RFX1: variants seen among roughly 807,000 people sequenced by gnomAD.
RFX1 encodes the protein regulatory factor X1.
Under a neutral mutation model 119.6 loss-of-function variants are expected in RFX1, and 42 were observed. The ratio of observed to expected loss-of-function variants is 0.35; its 90% CI spans 0.27 to 0.45. The LOEUF (loss-of-function observed/expected upper bound fraction) is 0.45, where lower values mean the gene tolerates loss of function less well. Ranked by LOEUF, RFX1 falls within the 20% of genes least tolerant of loss-of-function variation. The pLI is 1.00. For missense variants in RFX1, 1,118 were observed against 1,368.1 expected, an observed-to-expected ratio of 0.82 and a Z score of 2.88; for synonymous variants, 628 against 618.5, an observed-to-expected ratio of 1.02 and a Z score of -0.23.
In RFX1 at chr19:13,973,144, G is replaced by A. The variant is rs746007068; in HGVS notation, c.930-17C>T. 5 of 1,369,524 alleles carry A rather than the reference G, an allele frequency of 3.7e-6. No individual in the cohort carries two copies. The Admixed American group carries it at 7.6e-5, about 21-fold the overall frequency. 84.8% of individuals were successfully genotyped at this position (1,369,524 alleles called of 1,614,324 possible). On this transcript the variant is annotated splice_polypyrimidine_tract_variant and intron_variant, in intron 8 of 20. Coordinates refer to ENST00000254325, the MANE Select transcript of RFX1 (RefSeq NM_002918.5). ...CTGGAACGGCTGGGAAAGAGGCAAA[G>A]CCAAGGGAGAGTCAGGGGGATGAGA...
In RFX1 at chr19:13,969,728, G is replaced by T; in HGVS notation, c.1496+266C>A. ...GAGAAAAATAAAGCAGGGTTGGGGG[G>T]TGTCGGGCAGGGGAGAGGGGGAGGC... is the stretch of plus-strand genomic sequence containing the variant. On this transcript the variant is annotated intron_variant, in intron 10 of 20. Transcript: ENST00000254325. The surrounding 1 kb of genome is among the most constrained non-coding windows in gnomAD (Gnocchi z 4.5). The T allele has an allele frequency of 2.3e-6, 1 of 425,874 alleles. No homozygotes were observed. The highest frequency in any genetic ancestry group is 3.5e-5 in the East Asian group (1 of 28,292). 26.4% of individuals were successfully genotyped at this position (425,874 alleles called of 1,614,324 possible).
intron 1 of RFX1, among the ~76,000 whole-genome samples, chr19:14,003,466 T>G (rs1036169951): frequency 6.0e-5 from 9 of 149,148 alleles, no homozygotes; most frequent in Non-Finnish European, 1.0e-4. Flanking sequence ...CCACGAGGGC[T>G]CTCACTGGAT....
In RFX1 at chr19:13,993,431, G is replaced by A. The variant is rs1461037604; in HGVS notation, c.319+94C>T. 8.7e-6 allele frequency: 11 copies of A among 1,266,224 alleles called. No individual in the cohort carries two copies. The South Asian group carries it at 1.3e-4, about 15-fold the overall frequency. The allele number at this position is 1,266,224 out of a possible 1,614,324, so 78.4% of individuals were successfully genotyped here. ...CCCCAAGTCCCATCCAGAAACCTTG[G>A]GGGGCATGGCAGCCCTGTGCCTTCA... On this transcript the variant is annotated intron_variant, in intron 2 of 20. Transcript: ENST00000254325.
intron 20 of RFX1, 32 bp downstream of exon 20, chr19:13,962,962 C>G (rs1169832867): frequency 3.2e-6 from 5 of 1,549,068 alleles, no homozygotes; most frequent in Non-Finnish European, 4.4e-6. Context: ...CCCCCGGGAC[C>G]CGCGCCCTGG....
chr19:13,978,107 G>A (rs1338895091), intron 7 of RFX1, 21 bp from the exon 8 acceptor site: 7 of 1,591,892 alleles, frequency 4.4e-6, no homozygotes, highest in South Asian at 1.1e-5. Flanking sequence ...GGAAGGGCAC[G>A]TGGAGGGTCA....
Position 13,965,791 on chromosome 19 carries a change from C to T in RFX1, c.1962-14G>A, listed in dbSNP as rs780018605. Reference sequence around the variant, plus strand: ...GCCTCGTCATGTCTGCGGGCACCCACCCCACCCCGGGTCACTGGGGTACTC... The same window carrying T: ...GCCTCGTCATGTCTGCGGGCACCCATCCCACCCCGGGTCACTGGGGTACTC... On this transcript the variant is annotated splice_polypyrimidine_tract_variant and intron_variant, in intron 14 of 20. Transcript: ENST00000254325. This position sits in a 1 kb window ranked among gnomAD's most constrained non-coding sequence, Gnocchi z 4.7. 1.9e-6 allele frequency: 3 copies of T among 1,612,422 alleles called. No homozygotes were observed. The highest frequency in any genetic ancestry group is 1.1e-5 in the South Asian group (1 of 90,988).
At chr19:14,002,149 C>A (rs550499911) in intron 1 of RFX1, among the ~76,000 whole-genome samples, 53 of 150,544 alleles carry the variant, frequency 3.5e-4, no homozygotes, top group Admixed American at 3.1e-3. Flanking sequence ...ATAAACCAAA[C>A]CGAAACAAAA....
rs1392410188 is a variant in RFX1 at position 13,986,606 on chromosome 19, T to C, written c.320-3011A>G. On this transcript the variant is annotated intron_variant, in intron 2 of 20. Transcript: ENST00000254325. This position sits in a 1 kb window ranked among gnomAD's most constrained non-coding sequence, Gnocchi z 4.2. ...CTGAGTCTGCGAGCGAGCGTCTGCATCTATCTGCCGGAGATCGCCACTCTG... is the reference window on the plus strand; with the variant it reads ...CTGAGTCTGCGAGCGAGCGTCTGCACCTATCTGCCGGAGATCGCCACTCTG... 6.6e-6 allele frequency among the ~76,000 whole-genome samples: 1 copy of C among 152,056 alleles called. No homozygotes were observed. Among genetic ancestry groups the C allele is most frequent in the Non-Finnish European group, 1.5e-5 (1 of 67,972 alleles).
In RFX1 at chr19:13,968,440, T is replaced by C. The variant is rs7249711; in HGVS notation, c.1732+125A>G. The C allele has an allele frequency of 3.3e-3, 2,441 of 738,914 alleles. 39 individuals carry two copies. In the African/African-American group the frequency reaches 0.036, roughly 11 times the overall value. 45.8% of individuals were successfully genotyped at this position (738,914 alleles called of 1,614,324 possible). The stretch of plus-strand genomic sequence containing the variant: ...TGATGTCTCCCCCACCCCCTGCTGG[T>C]TCTCGGGCATCTCTCACCAAGCCCT... On this transcript the variant is annotated intron_variant, in intron 12 of 20. Coordinates refer to ENST00000254325, the MANE Select transcript of RFX1 (RefSeq NM_002918.5). The surrounding 1 kb of genome is among the most constrained non-coding windows in gnomAD (Gnocchi z 5.5).
At chr19:13,979,614 G>A in intron 6 of RFX1, 72 bp from the exon 7 acceptor site, 1 of 1,057,164 alleles carries the variant, frequency 9.5e-7, no homozygotes, top group Non-Finnish European at 1.4e-6. Flanking sequence ...CCCTGCACAG[G>A]TGAGCTTCTG....
At chr19:14,005,926 G>C (rs1975360488) in intron 1 of RFX1, among the ~76,000 whole-genome samples, 177 bp downstream of exon 1, 1 of 151,504 alleles carries the variant, frequency 6.6e-6, no homozygotes, top group Non-Finnish European at 1.5e-5. Context: ...GCGGGGACGG[G>C]GGCGGGTGGT....
intron 1 of RFX1, among the ~76,000 whole-genome samples, chr19:13,997,548 T>C (rs1420628215): frequency 1.3e-5 from 2 of 152,176 alleles, no homozygotes; most frequent in African/African-American, 4.8e-5. Flanking sequence ...CCAGGAAAGA[T>C]GAAAATACCT....
At chr19:13,983,352 G>T in intron 3 of RFX1, 82 bp from the exon 4 acceptor site, 1 of 1,309,542 alleles carries the variant, frequency 7.6e-7, no homozygotes, top group South Asian at 1.3e-5. Flanking sequence ...CGGCTGCTGT[G>T]CACATCTTGA....
At position 13,968,337 on chromosome 19, in the gene RFX1, T is replaced by C. The variant is rs1480576348; in HGVS notation, c.1732+228A>G. Reference sequence around the variant, plus strand: ...TGGGAAGCTCAGAACCCCCGAGAAATGCTTTGCATTGAAAGAAATGAGAAT... The same window carrying C: ...TGGGAAGCTCAGAACCCCCGAGAAACGCTTTGCATTGAAAGAAATGAGAAT... On this transcript the variant is annotated intron_variant, in intron 12 of 20. Coordinates refer to ENST00000254325, the MANE Select transcript of RFX1 (RefSeq NM_002918.5). This position sits in a 1 kb window ranked among gnomAD's most constrained non-coding sequence, Gnocchi z 5.5. 2.0e-5 allele frequency among the ~76,000 whole-genome samples: 3 copies of C among 151,432 alleles called. No individual in the cohort carries two copies. The highest frequency in any genetic ancestry group is 4.4e-5 in the Non-Finnish European group (3 of 67,844).
chr19:13,982,101 C>G lies in RFX1; in HGVS notation c.621+20G>C, dbSNP rs1974446617. On this transcript the variant is annotated intron_variant, in intron 5 of 20. Transcript: ENST00000254325. ...CGGGAGACAGCAGGGGGGAGGGCGG[C>G]CAACAGGACCACCACTTACCTCTGG... 1 of 1,255,006 alleles carries G rather than the reference C, an allele frequency of 8.0e-7. No homozygotes were observed. Among genetic ancestry groups the G allele is most frequent in the Non-Finnish European group, 1.0e-6 (1 of 970,578 alleles). 77.7% of individuals were successfully genotyped at this position (1,255,006 alleles called of 1,614,324 possible). A position where few individuals can be genotyped will look rare whatever the true frequency, so the allele number is the denominator to read the frequency against.
chr19:13,963,034 G>T lies in RFX1; in HGVS notation c.2730C>A (p.Ala910=), dbSNP rs768035994. The change falls in exon 20 of 21, where the codon GCC becomes GCA. Residue 910 remains alanine (A), a synonymous_variant. Transcript: ENST00000254325. ...ETPIAVMGEF[A]NLATSLNPLD... Reference sequence around the variant, plus strand: ...GGGGGTTCAGGGAGGTGGCCAGATTGGCGAACTGGAGGAAGAAGAGAAGAA... The same window carrying T: ...GGGGGTTCAGGGAGGTGGCCAGATTTGCGAACTGGAGGAAGAAGAGAAGAA... 1 of 1,561,080 alleles carries T rather than the reference G, an allele frequency of 6.4e-7. No individual in the cohort carries two copies. The highest frequency in any genetic ancestry group is 8.7e-7 in the Non-Finnish European group (1 of 1,152,210).
rs192113151 is a variant in RFX1 at position 13,969,932 on chromosome 19, G to C, written c.1496+62C>G. ...ACTGCCTGAGATGACTCGGAGTGGGGGTGGGCCTTGGCATGCCCACCAATT... is the reference window on the plus strand; with the variant it reads ...ACTGCCTGAGATGACTCGGAGTGGGCGTGGGCCTTGGCATGCCCACCAATT... On this transcript the variant is annotated intron_variant, in intron 10 of 20. Coordinates refer to ENST00000254325, the MANE Select transcript of RFX1 (RefSeq NM_002918.5). This position sits in a 1 kb window ranked among gnomAD's most constrained non-coding sequence, Gnocchi z 4.5. 1.3e-6 allele frequency: 2 copies of C among 1,506,720 alleles called. No individual in the cohort carries two copies. Among genetic ancestry groups the C allele is most frequent in the East Asian group, 2.3e-5 (1 of 43,690 alleles). 93.3% of individuals were successfully genotyped at this position (1,506,720 alleles called of 1,614,324 possible).
chr19:13,968,515 AC>A lies in RFX1; in HGVS notation c.1732+49del. On this transcript the variant is annotated intron_variant, in intron 12 of 20. Coordinates refer to ENST00000254325, the MANE Select transcript of RFX1 (RefSeq NM_002918.5). This position sits in a 1 kb window ranked among gnomAD's most constrained non-coding sequence, Gnocchi z 5.5. ...CCATCCAGCTTTGGGAACCGTCTGCACGGGGCAGGGAGGCGGTGGTTGGGGA... is the reference window on the plus strand; with the variant it reads ...CCATCCAGCTTTGGGAACCGTCTGCAGGGGCAGGGAGGCGGTGGTTGGGGA... The A allele has an allele frequency of 6.8e-7, 1 of 1,462,448 alleles. No individual in the cohort carries two copies. Among genetic ancestry groups the A allele is most frequent in the South Asian group, 1.1e-5 (1 of 87,994 alleles). The allele number at this position is 1,462,448 out of a possible 1,614,324, so 90.6% of individuals were successfully genotyped here.
At chr19:14,005,354 C>CAG (rs1975337312) in intron 1 of RFX1, among the ~76,000 whole-genome samples, 2 of 152,180 alleles carry the variant, frequency 1.3e-5, no homozygotes, top group African/African-American at 4.8e-5. Context: ...TGCTTCCTCC[C>CAG]AGAGAGAAGG....
Sources: gnomAD v4.1 joint callset for allele counts (sites outside exome capture counted in the v4.1 genomes callset) on GRCh38, gnomAD v4.1.1 for gene constraint, Gnocchi (gnomAD v3.1) non-coding constraint, MANE v1.5 for transcripts, NCBI Gene and HGNC (gene_info 2026-07-23, HGNC 2026-07-21) for gene names.